The following UNC79 variants were observed in gnomAD, a reference collection of about 807,000 sequenced individuals.
The protein encoded by UNC79 is unc-79 subunit of NALCN channel complex.
A neutral mutation model predicts 283.1 loss-of-function variants in UNC79; 37 were observed. That is an observed-to-expected ratio of 0.13 (90% CI 0.10 to 0.17). The LOEUF is 0.17. UNC79 is among the 10% of genes least tolerant of loss of function. The pLI is 1.00. For synonymous variants in UNC79, 1,107 were observed against 1,200.2 expected, an observed-to-expected ratio of 0.92 and a Z score of 1.61; for missense variants, 2,272 against 3,211.1, an observed-to-expected ratio of 0.71 and a Z score of 7.07.
chr14:93,399,215 A>T (rs896635025), intron 1 of UNC79, among the ~76,000 whole-genome samples: 1 of 152,084 alleles, frequency 6.6e-6, no homozygotes, highest in Non-Finnish European at 1.5e-5. Flanking sequence ...CTCCCTCTAC[A>T]TGTGGGGATT....
At chr14:93,533,327 C>G (rs1293917170) in intron 11 of UNC79, among the ~76,000 whole-genome samples, 1 of 152,142 alleles carries the variant, frequency 6.6e-6, no homozygotes, top group African/African-American at 2.4e-5. Context: ...GCATAACAAA[C>G]CATCTGAAAA....
intron 1 of UNC79, among the ~76,000 whole-genome samples, chr14:93,408,813 G>A (rs1039497577): frequency 6.6e-6 from 1 of 152,168 alleles, no homozygotes; most frequent in African/African-American, 2.4e-5. Flanking sequence ...TATGTGATGT[G>A]GGAGGGGAAG....
intron 5 of UNC79, among the ~76,000 whole-genome samples, chr14:93,495,355 A>G (rs1237428458): frequency 1.3e-5 from 2 of 152,164 alleles, no homozygotes; most frequent in African/African-American, 4.8e-5. Flanking sequence ...GCCTTTATGA[A>G]ACCATCAGAT....
At chr14:93,513,898 G>A (rs2059941540) in intron 7 of UNC79, among the ~76,000 whole-genome samples, 1 of 152,248 alleles carries the variant, frequency 6.6e-6, no homozygotes, top group East Asian at 1.9e-4. Flanking sequence ...GTATAACTAT[G>A]ACTCCTATAG....
At position 93,579,083 on chromosome 14, in the gene UNC79, G is replaced by A. The variant is rs996423518; in HGVS notation, c.2433+1020G>A. Among the ~76,000 whole-genome samples the A allele has an allele frequency of 3.3e-5, 5 of 152,058 alleles. No individual in the cohort carries two copies. In the South Asian group the frequency reaches 8.3e-4, roughly 25 times the overall value. On this transcript the variant is annotated intron_variant, in intron 18 of 48. Transcript: ENST00000555664. ...GTGGACTGTCCCTCAATTTGAGTTT[G>A]CCTGATGCTTCCTTATGAATTAATT...
At position 93,643,706 on chromosome 14, in the gene UNC79, C is replaced by T; in HGVS notation, c.6044+9C>T. 6.2e-7 allele frequency: 1 copy of T among 1,611,886 alleles called. No homozygotes were observed. The highest frequency in any genetic ancestry group is 1.7e-5 in the Admixed American group (1 of 59,898). ...ATGCAGTCTGTGGGAAGGTGAATGT[C>T]AGCTTCTGTTTTGTTTGGTAGGAAG... is the stretch of plus-strand genomic sequence containing the variant. On this transcript the variant is annotated intron_variant, in intron 34 of 48. Coordinates refer to ENST00000555664, the Ensembl canonical transcript of UNC79.
chr14:93,605,040 C>A (rs2065784692), intron 26 of UNC79, 79 bp downstream of exon 27: 1 of 1,464,248 alleles, frequency 6.8e-7, no homozygotes, highest in Non-Finnish European at 9.1e-7. Context: ...GTGTCTCTAA[C>A]TGGACCAGGG....
Position 93,414,089 on chromosome 14 carries a change from C to T in UNC79, c.-350-53582C>T, listed in dbSNP as rs112445556. On this transcript the variant is annotated intron_variant, in intron 1 of 49. Transcript: ENST00000256339. ...GCCATTGCTTTTGGTGTTTTAGACA[C>T]GAAGTCCTTGCCCATGCCTATGTCC... 1.9e-4 allele frequency among the ~76,000 whole-genome samples: 29 copies of T among 151,786 alleles called. 1 individual carries two copies. The highest frequency in any genetic ancestry group is 6.3e-4 in the African/African-American group (26 of 41,410).
Position 93,399,091 on chromosome 14 carries a change from T to C in UNC79, c.-351+65568T>C, listed in dbSNP as rs918982121. On this transcript the variant is annotated intron_variant, in intron 1 of 49. Coordinates refer to the UNC79 transcript ENST00000256339. ...AAGGTGGCAGGAGGGAGTGTGAGCA[T>C]GTGAAGGAGGAACTGTCAAACACTT... is the stretch of plus-strand genomic sequence containing the variant. Among the ~76,000 whole-genome samples, 4 of 152,204 alleles carry C rather than the reference T, an allele frequency of 2.6e-5. 1 individual carries two copies. Among genetic ancestry groups the C allele is most frequent in the Admixed American group, 6.5e-5 (1 of 15,288 alleles).
intron 35 of UNC79, among the ~76,000 whole-genome samples, chr14:93,652,096 C>G (rs1436932084): frequency 6.6e-6 from 1 of 151,872 alleles, no homozygotes; most frequent in Non-Finnish European, 1.5e-5. Context: ...TGCAATGGCT[C>G]AGACTGCCAG....
intron 4 of UNC79, among the ~76,000 whole-genome samples, chr14:93,478,610 T>C (rs2057938098): frequency 6.6e-6 from 1 of 152,154 alleles, no homozygotes; most frequent in South Asian, 2.1e-4. Flanking sequence ...ATAATAATAA[T>C]AATAATAGCT....
intron 32 of UNC79, among the ~76,000 whole-genome samples, chr14:93,638,573 G>T (rs568877164): frequency 6.6e-6 from 1 of 152,146 alleles, no homozygotes; most frequent in South Asian, 2.1e-4. Flanking sequence ...TCCAAGACTC[G>T]CAAAGGGACT....
At chr14:93,535,667 G>C (rs2061035766) in intron 11 of UNC79, among the ~76,000 whole-genome samples, 2 of 152,262 alleles carry the variant, frequency 1.3e-5, no homozygotes, top group South Asian at 4.1e-4. Flanking sequence ...TTGAAGACTA[G>C]GCTAAGCCAG....
At chr14:93,483,566 A>C (rs1197131789) in intron 4 of UNC79, among the ~76,000 whole-genome samples, 3 of 151,034 alleles carry the variant, frequency 2.0e-5, no homozygotes, top group African/African-American at 7.3e-5. Flanking sequence ...GTACATATGC[A>C]CAATATGCAG....
chr14:93,629,081 C>T (rs1358238930), intron 30 of UNC79, among the ~76,000 whole-genome samples: 1 of 152,084 alleles, frequency 6.6e-6, no homozygotes, highest in East Asian at 1.9e-4. Context: ...TGCCTGTAAT[C>T]CCAGCTACTC....
chr14:93,663,292 G>A (rs539075601), intron 40 of UNC79, among the ~76,000 whole-genome samples: 1 of 152,310 alleles, frequency 6.6e-6, no homozygotes, highest in East Asian at 1.9e-4. Context: ...AAGTGGAAAA[G>A]TACTGCTGGC....
At chr14:93,498,543 A>G (rs1276003298) in intron 7 of UNC79, among the ~76,000 whole-genome samples, 1 of 152,076 alleles carries the variant, frequency 6.6e-6, no homozygotes, top group Non-Finnish European at 1.5e-5. Context: ...GTGAGCCGAG[A>G]TCAAGCCACT....
intron 1 of UNC79, among the ~76,000 whole-genome samples, chr14:93,389,144 A>G (rs2054834114): frequency 1.3e-5 from 2 of 152,218 alleles, no homozygotes; most frequent in South Asian, 2.1e-4. Flanking sequence ...TTTAGACAAC[A>G]TAAAATGGGG....
chr14:93,628,745 G>T (rs1401978772), intron 30 of UNC79, among the ~76,000 whole-genome samples: 1 of 152,168 alleles, frequency 6.6e-6, no homozygotes, highest in Non-Finnish European at 1.5e-5. Flanking sequence ...GCTCTATTCA[G>T]ATATTTATCT....
Sources: gnomAD v4.1 joint callset for allele counts (sites outside exome capture counted in the v4.1 genomes callset) on GRCh38, gnomAD v4.1.1 for gene constraint, MANE v1.5 for transcripts, NCBI Gene and HGNC (gene_info 2026-07-23, HGNC 2026-07-21) for gene names.